Variants in NDUFA5 observed in about 807,000 individuals in gnomAD.
The protein encoded by NDUFA5 is NADH dehydrogenase [ubiquinone] 1 alpha subcomplex subunit 5.
In NDUFA5, 11 loss-of-function variants were observed where a neutral mutation model predicts 19.8. The observed-to-expected ratio is 0.56, with a 90% CI of 0.35 to 0.92. The LOEUF (loss-of-function observed/expected upper bound fraction) is 0.92, where lower values mean the gene tolerates loss of function less well. Among genes scored for constraint, NDUFA5 ranks in the 40% least tolerant of loss-of-function variants. The pLI is 0.01. For synonymous variants in NDUFA5, 47 were observed against 46.8 expected (o/e 1.00, Z -0.01); for missense variants, 109 against 134.2 (o/e 0.81, Z 0.93).
chr7:123,581,414 T>TCAA, the NDUFA5 span, among the ~76,000 whole-genome samples: 1 of 124,458 alleles, frequency 8.0e-6, no homozygotes, highest in Non-Finnish European at 1.7e-5. Flanking sequence ...AGTGAGCACT[T>TCAA]AAAAAAAAAA....
chr7:123,584,081 C>T, the NDUFA5 span, among the ~76,000 whole-genome samples: 5 of 151,946 alleles, frequency 3.3e-5, no homozygotes, highest in Non-Finnish European at 7.4e-5. Context: ...TCTAGCCACA[C>T]GGTTTTAAGT....
chr7:123,551,585 A>C, intron 2 of NDUFA5: 1 of 731,916 alleles, frequency 1.4e-6, no homozygotes, highest in Non-Finnish European at 1.7e-6. Flanking sequence ...TTCTGTAGAA[A>C]TAAACACATA....
the NDUFA5 span, among the ~76,000 whole-genome samples, chr7:123,589,017 T>C: frequency 2.0e-5 from 3 of 151,872 alleles, no homozygotes; most frequent in African/African-American, 7.2e-5. Context: ...TCTATGTCCA[T>C]TGATAATGTG....
At chr7:123,597,683 T>C in the NDUFA5 span, among the ~76,000 whole-genome samples, 2 of 151,902 alleles carry the variant, frequency 1.3e-5, no homozygotes, top group Non-Finnish European at 2.9e-5. Flanking sequence ...AATACAAAAA[T>C]TAGAAGACGT....
the NDUFA5 span, among the ~76,000 whole-genome samples, chr7:123,599,692 T>G: frequency 6.6e-6 from 1 of 152,218 alleles, no homozygotes; most frequent in African/African-American, 2.4e-5. Flanking sequence ...TCAACTATTT[T>G]AACCTAAGAC....
the NDUFA5 span, among the ~76,000 whole-genome samples, chr7:123,580,388 T>C: frequency 1.3e-5 from 2 of 152,004 alleles, no homozygotes; most frequent in African/African-American, 2.4e-5. Context: ...ACAATCAAAC[T>C]TGCTAGGCAC....
At chr7:123,562,149 A>C (rs1798697764), upstream of NDUFA5, among the ~76,000 whole-genome samples, 1 of 152,096 alleles carries the variant, frequency 6.6e-6, no homozygotes. Flanking sequence ...AGGGCTCTTG[A>C]GTGACCAGGT....
chr7:123,550,448 C>G, intron 3 of NDUFA5, 22 bp downstream of exon 3: 1 of 1,542,720 alleles, frequency 6.5e-7, no homozygotes, highest in Non-Finnish European at 8.9e-7. Flanking sequence ...CACAAGACAA[C>G]AAAACTGACT....
At chr7:123,547,460 T>C (rs537055635) in intron 3 of NDUFA5, among the ~76,000 whole-genome samples, 6 of 152,272 alleles carry the variant, frequency 3.9e-5, no homozygotes, top group African/African-American at 1.4e-4. Context: ...AGGATTTTTA[T>C]CTGTTTTGTG....
chr7:123,598,291 A>G, the NDUFA5 span, among the ~76,000 whole-genome samples: 4 of 152,294 alleles, frequency 2.6e-5, no homozygotes, highest in African/African-American at 9.6e-5. Context: ...TTTGATAACA[A>G]TGATATGAAA....
the NDUFA5 span, among the ~76,000 whole-genome samples, chr7:123,588,295 G>T: frequency 0.011 from 1,725 of 151,536 alleles, 36 homozygotes; most frequent in South Asian, 0.046. Context: ...ATTCTTCTAG[G>T]TTATACAGTT....
chr7:123,582,046 A>C, the NDUFA5 span, among the ~76,000 whole-genome samples: 1 of 152,028 alleles, frequency 6.6e-6, no homozygotes, highest in Non-Finnish European at 1.5e-5. Flanking sequence ...TTATTAATAG[A>C]TGAAAATCTC....
chr7:123,557,966 G>A, upstream of NDUFA5: 2 of 1,118,374 alleles, frequency 1.8e-6, no homozygotes, highest in Non-Finnish European at 2.6e-6. Context: ...GAGAAAAATT[G>A]ACGCATGCGC....
the NDUFA5 span, among the ~76,000 whole-genome samples, chr7:123,592,901 G>C: frequency 1.1e-4 from 16 of 151,860 alleles, no homozygotes; most frequent in African/African-American, 3.9e-4. Context: ...TTGTGTGGGA[G>C]TCTAAGTCTC....
At chr7:123,555,928 A>C in intron 2 of NDUFA5, 1 of 152,222 alleles carries the variant, frequency 6.6e-6, no homozygotes, top group East Asian at 1.9e-4. Flanking sequence ...GCTGGAAAAA[A>C]AGACCAAATG....
At chr7:123,569,594 G>T in the NDUFA5 span, among the ~76,000 whole-genome samples, 1 of 152,210 alleles carries the variant, frequency 6.6e-6, no homozygotes, top group Non-Finnish European at 1.5e-5. Context: ...GCCCCTAGGG[G>T]AAGGGGAGTA....
Position 123,557,700 on chromosome 7 carries a change from C to A in NDUFA5, c.21+75G>T, listed in dbSNP as rs1798615604. 2.5e-6 allele frequency: 4 copies of A among 1,614,088 alleles called. No individual in the cohort carries two copies. The South Asian group carries it at 3.3e-5, about 13-fold the overall frequency. On this transcript the variant is annotated intron_variant, in intron 1 of 4. Coordinates refer to ENST00000355749, the MANE Select transcript of NDUFA5 (RefSeq NM_005000.5). ...AGCCCGCGACAGTAGGGGTCAACAC[C>A]CGCGGGAAGTAGGGCTATCGGACTG... is the stretch of plus-strand genomic sequence containing the variant.
chr7:123,592,826 G>T, the NDUFA5 span, among the ~76,000 whole-genome samples: 1 of 152,108 alleles, frequency 6.6e-6, no homozygotes, highest in Non-Finnish European at 1.5e-5. Flanking sequence ...GGATATCCTT[G>T]TTAATTTTCT....
chr7:123,573,548 C>T, the NDUFA5 span, among the ~76,000 whole-genome samples: 2 of 152,116 alleles, frequency 1.3e-5, no homozygotes, highest in African/African-American at 2.4e-5. Context: ...TCTAAACCTC[C>T]TCCCTCTAGC....
Sources: allele counts gnomAD v4.1 joint callset (sites outside exome capture counted in the v4.1 genomes callset), GRCh38; gene constraint gnomAD v4.1.1; transcripts MANE v1.5; gene names NCBI Gene and HGNC (gene_info 2026-07-23, HGNC 2026-07-21).